Variants in RALGPS2 observed in about 807,000 individuals in gnomAD.
RALGPS2 encodes the protein Ral GEF with PH domain and SH3 binding motif 2, also known as ras-specific guanine nucleotide-releasing factor RalGPS2.
Under a neutral mutation model 86.8 loss-of-function variants are expected in RALGPS2, and 43 were observed. That is an observed-to-expected ratio of 0.50 (90% CI 0.39 to 0.64). The LOEUF (loss-of-function observed/expected upper bound fraction) is 0.64, where lower values mean the gene tolerates loss of function less well. RALGPS2 is among the 30% of genes least tolerant of loss of function. The probability of loss-of-function intolerance (pLI) is 0.00; values close to 1 mark genes in which losing one functional copy is unlikely to be tolerated. For synonymous variants in RALGPS2, 243 were observed against 231.3 expected, an observed-to-expected ratio of 1.05 and a Z score of -0.46; for missense variants, 536 against 694.6, an observed-to-expected ratio of 0.77 and a Z score of 2.57.
chr1:178,745,508 A>C (rs1232402289), intron 1 of RALGPS2, among the ~76,000 whole-genome samples: 1 of 152,232 alleles, frequency 6.6e-6, no homozygotes, highest in Non-Finnish European at 1.5e-5. Flanking sequence ...CAAGGTGCAA[A>C]GGCAGTTCAG....
chr1:178,903,270 G>T (rs1170170227), intron 18 of RALGPS2, among the ~76,000 whole-genome samples: 2 of 152,132 alleles, frequency 1.3e-5, no homozygotes, highest in Non-Finnish European at 2.9e-5. Context: ...AAGCAAATAT[G>T]TTGGAGGCAG....
In RALGPS2 at chr1:178,919,665, C is replaced by T. The variant is rs571095938; in HGVS notation, c.*3306C>T. The T allele has an allele frequency of 6.6e-6, 1 of 152,042 alleles. No homozygotes were observed. The highest frequency in any genetic ancestry group is 2.1e-4 in the South Asian group (1 of 4,822). The allele number at this position is 152,042 out of a possible 1,614,324, so 9.4% of individuals were successfully genotyped here. A position where few individuals can be genotyped will look rare whatever the true frequency, so the allele number is the denominator to read the frequency against. On this transcript the variant is annotated 3_prime_UTR_variant, in exon 20 of 20. Transcript: ENST00000367635. ...AACTGTATACCTTTACTACTGAAAA[C>T]AAAACTATAGGGCATCATACTAATT...
intron 8 of RALGPS2, among the ~76,000 whole-genome samples, chr1:178,847,458 A>T (rs1656921847): frequency 6.6e-6 from 1 of 152,176 alleles, no homozygotes; most frequent in Non-Finnish European, 1.5e-5. Flanking sequence ...AAAAGAAAAA[A>T]AAAAACTGAA....
chr1:178,850,963 G>A, intron 8 of RALGPS2: 1 of 549,128 alleles, frequency 1.8e-6, no homozygotes, highest in Non-Finnish European at 2.9e-6. Flanking sequence ...ATTGACGACA[G>A]ATGAAACTAC....
intron 4 of RALGPS2, among the ~76,000 whole-genome samples, chr1:178,789,099 G>T (rs1343220426): frequency 6.6e-6 from 1 of 151,990 alleles, no homozygotes; most frequent in Non-Finnish European, 1.5e-5. Flanking sequence ...TACAGACAGG[G>T]TTTCACTATG....
chr1:178,886,772 G>A (rs1182563323), intron 13 of RALGPS2, among the ~76,000 whole-genome samples: 1 of 152,128 alleles, frequency 6.6e-6, no homozygotes, highest in Non-Finnish European at 1.5e-5. Flanking sequence ...CTAAAAAGGA[G>A]AGATCAGTGA....
At chr1:178,784,594 G>T (rs771581872) in intron 3 of RALGPS2, 72 bp downstream of exon 3, 7 of 1,182,416 alleles carry the variant, frequency 5.9e-6, no homozygotes, top group East Asian at 2.6e-5. Flanking sequence ...GTTAGAATTT[G>T]TAGGTCCAGC....
At chr1:178,859,559 A>G (rs1194550411) in intron 8 of RALGPS2, among the ~76,000 whole-genome samples, 1 of 151,240 alleles carries the variant, frequency 6.6e-6, no homozygotes, top group African/African-American at 2.4e-5. Context: ...GCCCGCCACT[A>G]CGAAGTTTTA....
At chr1:178,819,150 CT>C (rs1248875019) in intron 6 of RALGPS2, among the ~76,000 whole-genome samples, 1 of 151,736 alleles carries the variant, frequency 6.6e-6, no homozygotes, top group Non-Finnish European at 1.5e-5. Flanking sequence ...CACCACGCAC[CT>C]GGTTAATTTC....
chr1:178,914,211 G>T lies in RALGPS2; in HGVS notation c.1723-2119G>T, dbSNP rs115524709. On this transcript the variant is annotated intron_variant, in intron 19 of 19. Transcript: ENST00000367635. ...GAGTATGAAGAGCCTTGGTGGGTGG[G>T]CGCCTATGGCCGTGTTCCTTTGCAG... Among the ~76,000 whole-genome samples, 1,108 of 152,052 alleles carry T rather than the reference G, an allele frequency of 7.3e-3. 15 individuals carry two copies. Among genetic ancestry groups the T allele is most frequent in the African/African-American group, 0.026 (1,059 of 41,456 alleles).
intron 8 of RALGPS2, among the ~76,000 whole-genome samples, chr1:178,863,487 A>G (rs1047302389): frequency 1.3e-5 from 2 of 152,254 alleles, no homozygotes; most frequent in African/African-American, 4.8e-5. Context: ...GTTTGAATCT[A>G]GGAAGTCATA....
intron 1 of RALGPS2, among the ~76,000 whole-genome samples, chr1:178,745,792 A>G (rs986487309): frequency 2.0e-5 from 3 of 150,258 alleles, no homozygotes; most frequent in African/African-American, 7.3e-5. Context: ...CAAATTGAAA[A>G]TGTGCTATTC....
At position 178,893,980 on chromosome 1, in the gene RALGPS2, G is replaced by A; in HGVS notation, c.1387G>A (p.Val463Ile). The change falls in exon 16 of 20, where the codon GTT (valine) becomes ATT (isoleucine). Residue 463 changes from valine to isoleucine, a missense_variant. By Grantham distance (29) the Val-to-Ile change is conservative. Coordinates refer to ENST00000367635, the MANE Select transcript of RALGPS2 (RefSeq NM_152663.5). ...TCCAGGAGCTGTTACTATTCAAGGT[G>A]TTCTCAGGAGAAAAACTTTGTTAAA... ...LYPGAVTIQG[V>I]LRRKTLLKEG... The A allele has an allele frequency of 6.2e-7, 1 of 1,608,108 alleles. No individual in the cohort carries two copies. Among genetic ancestry groups the A allele is most frequent in the Non-Finnish European group, 8.5e-7 (1 of 1,176,446 alleles).
chr1:178,810,025 T>A (rs556803019), intron 5 of RALGPS2, among the ~76,000 whole-genome samples: 1 of 151,544 alleles, frequency 6.6e-6, no homozygotes, highest in African/African-American at 2.4e-5. Flanking sequence ...GACAGGAGGA[T>A]CACTTGAGCC....
chr1:178,812,354 T>C (rs1408172043), intron 6 of RALGPS2, among the ~76,000 whole-genome samples: 1 of 152,092 alleles, frequency 6.6e-6, no homozygotes, highest in East Asian at 1.9e-4. Context: ...AAGACAGATA[T>C]CTCAAGGAAG....
intron 1 of RALGPS2, among the ~76,000 whole-genome samples, chr1:178,728,402 CTTT>C (rs67007360): frequency 7.7e-6 from 1 of 129,620 alleles, no homozygotes; most frequent in African/African-American, 2.9e-5. Context: ...CGAAAGTATG[CTTT>C]TTTTTTTTTT....
At chr1:178,826,940 A>G (rs1397157217) in intron 7 of RALGPS2, among the ~76,000 whole-genome samples, 1 of 152,222 alleles carries the variant, frequency 6.6e-6, no homozygotes, top group Non-Finnish European at 1.5e-5. Context: ...CATGGATAGA[A>G]CTATTAGAGT....
intron 3 of RALGPS2, 57 bp downstream of exon 3, chr1:178,784,579 A>G (rs1350450171): frequency 3.8e-6 from 5 of 1,328,536 alleles, no homozygotes; most frequent in African/African-American, 2.9e-5. Context: ...TATTGGTGCT[A>G]TTGAGTTAGA....
At chr1:178,771,775 A>G (rs1304225069) in intron 1 of RALGPS2, among the ~76,000 whole-genome samples, 1 of 152,186 alleles carries the variant, frequency 6.6e-6, no homozygotes, top group East Asian at 1.9e-4. Flanking sequence ...AATAATGATT[A>G]CCAAAAAGGA....
Sources: allele counts gnomAD v4.1 joint callset (sites outside exome capture counted in the v4.1 genomes callset), GRCh38; gene constraint gnomAD v4.1.1; transcripts MANE v1.5; gene names NCBI Gene and HGNC (gene_info 2026-07-23, HGNC 2026-07-21).